SEMA5A: variants seen among roughly 807,000 people sequenced by gnomAD.
SEMA5A encodes the protein semaphorin-5A.
Under a neutral mutation model 135.5 loss-of-function variants are expected in SEMA5A, and 55 were observed. The observed-to-expected ratio is 0.41, with a 90% CI of 0.33 to 0.51. The LOEUF is 0.51. Ranked by LOEUF, SEMA5A falls within the 20% of genes least tolerant of loss-of-function variation. The pLI, the probability that SEMA5A is intolerant of heterozygous loss-of-function variation, is 0.37. For synonymous variants in SEMA5A, 580 were observed against 546.5 expected (o/e 1.06, Z -0.85); for missense variants, 1,290 against 1,419.9 (o/e 0.91, Z 1.47).
chr5:9,343,548 A>G (rs1177971655), intron 3 of SEMA5A, among the ~76,000 whole-genome samples: 1 of 152,162 alleles, frequency 6.6e-6, no homozygotes, highest in Non-Finnish European at 1.5e-5. Flanking sequence ...GAAAAGATCC[A>G]TCCTACCTCA....
At chr5:9,046,884 A>G (rs1736288232) in intron 21 of SEMA5A, among the ~76,000 whole-genome samples, 1 of 152,224 alleles carries the variant, frequency 6.6e-6, no homozygotes, top group Non-Finnish European at 1.5e-5. Flanking sequence ...TGGATAATGC[A>G]GTTCCCAGCA....
At chr5:9,342,075 C>A (rs1753677192) in intron 3 of SEMA5A, among the ~76,000 whole-genome samples, 1 of 123,296 alleles carries the variant, frequency 8.1e-6, no homozygotes, top group African/African-American at 2.9e-5. Context: ...AGTTAATGTC[C>A]CTTCCAAAAA....
intron 2 of SEMA5A, among the ~76,000 whole-genome samples, chr5:9,436,324 T>C (rs530571191): frequency 6.6e-6 from 1 of 152,160 alleles, no homozygotes; most frequent in Non-Finnish European, 1.5e-5. Flanking sequence ...TGGTTCTCCA[T>C]GGGGGAGGGA....
chr5:9,341,397 T>C (rs1753647152), intron 3 of SEMA5A, among the ~76,000 whole-genome samples: 1 of 151,844 alleles, frequency 6.6e-6, no homozygotes, highest in Non-Finnish European at 1.5e-5. Flanking sequence ...ATGAACAGTT[T>C]TGGAAATAGA....
intron 16 of SEMA5A, among the ~76,000 whole-genome samples, chr5:9,099,446 T>C (rs762626956): frequency 2.0e-5 from 3 of 152,230 alleles, no homozygotes; most frequent in Non-Finnish European, 4.4e-5. Flanking sequence ...AGATCAATTA[T>C]TCCCTTTACG....
intron 12 of SEMA5A, among the ~76,000 whole-genome samples, chr5:9,141,583 T>C (rs551624913): frequency 3.1e-4 from 47 of 152,272 alleles, no homozygotes; most frequent in East Asian, 1.9e-4. Context: ...ACACACTTAT[T>C]GAGGGTATTT....
intron 5 of SEMA5A, among the ~76,000 whole-genome samples, chr5:9,241,469 T>C (rs1398164173): frequency 1.3e-5 from 2 of 150,434 alleles, no homozygotes; most frequent in Non-Finnish European, 2.9e-5. Context: ...TTCATTGTTA[T>C]AGTAGCCATA....
At chr5:9,052,106 T>C (rs550421731) in intron 19 of SEMA5A, 78 bp from the exon 20 acceptor site, 33 of 1,411,746 alleles carry the variant, frequency 2.3e-5, no homozygotes, top group Admixed American at 3.0e-5. Context: ...GCAAGTTACA[T>C]ATGTGATTTC....
At position 9,332,382 on chromosome 5, in the gene SEMA5A, T is replaced by A. The variant is rs559065447; in HGVS notation, c.224+5331A>T. Reference sequence around the variant, plus strand: ...GTCAGATGTGCAATGCATGCAGCTATGGGTTGGTACTCACATTAGGTCAGG... The same window carrying A: ...GTCAGATGTGCAATGCATGCAGCTAAGGGTTGGTACTCACATTAGGTCAGG... On this transcript the variant is annotated intron_variant, in intron 4 of 22. Coordinates refer to ENST00000382496, the MANE Select transcript of SEMA5A (RefSeq NM_003966.3). Among the ~76,000 whole-genome samples the A allele has an allele frequency of 2.5e-3, 376 of 151,000 alleles. 2 individuals are homozygous for A. Among genetic ancestry groups the A allele is most frequent in the African/African-American group, 8.6e-3 (354 of 40,962 alleles).
chr5:9,248,676 G>T (rs1748608640), intron 5 of SEMA5A, among the ~76,000 whole-genome samples: 1 of 152,102 alleles, frequency 6.6e-6, no homozygotes, highest in Non-Finnish European at 1.5e-5. Context: ...CTCATATGAA[G>T]CAGGCAGAGG....
intron 5 of SEMA5A, among the ~76,000 whole-genome samples, chr5:9,292,699 GA>G (rs1184744161): frequency 2.0e-5 from 3 of 152,022 alleles, no homozygotes; most frequent in African/African-American, 7.2e-5. Context: ...TCCATACAAA[GA>G]AAAAAATCAA....
intron 6 of SEMA5A, among the ~76,000 whole-genome samples, chr5:9,229,103 A>G (rs1044729306): frequency 1.3e-5 from 2 of 152,206 alleles, no homozygotes; most frequent in Admixed American, 6.5e-5. Context: ...ATTGGCTTCT[A>G]AATGTAAAGT....
intron 16 of SEMA5A, among the ~76,000 whole-genome samples, chr5:9,083,315 T>A (rs1036859833): frequency 2.0e-5 from 3 of 152,208 alleles, no homozygotes; most frequent in Admixed American, 6.5e-5. Context: ...TTTTTGTTCT[T>A]TTATTGGCCA....
chr5:9,248,535 C>T (rs1371145643), intron 5 of SEMA5A, among the ~76,000 whole-genome samples: 1 of 144,598 alleles, frequency 6.9e-6, no homozygotes, highest in African/African-American at 2.6e-5. Context: ...TCTCTGCAAC[C>T]TGTGAAGTTA....
At chr5:9,294,177 G>A (rs968080726) in intron 5 of SEMA5A, among the ~76,000 whole-genome samples, 1 of 152,140 alleles carries the variant, frequency 6.6e-6, no homozygotes, top group African/African-American at 2.4e-5. Flanking sequence ...GACAGCATTT[G>A]GCCTTCCGGT....
In SEMA5A at chr5:9,300,855, T is replaced by C. The variant is rs369304563; in HGVS notation, c.270+17517A>G. Among the ~76,000 whole-genome samples, 103 of 152,304 alleles carry C rather than the reference T, an allele frequency of 6.8e-4. No homozygotes were observed. In the South Asian group the frequency reaches 0.018, roughly 27 times the overall value. ...GAAATCAAAGAACACCTGGAGCCAC[T>C]AGAACTGGAAAAGGCGATGAAGCTT... On this transcript the variant is annotated intron_variant, in intron 5 of 22. Transcript: ENST00000382496.
chr5:9,058,717 C>T (rs1737024774), intron 18 of SEMA5A, among the ~76,000 whole-genome samples: 1 of 152,168 alleles, frequency 6.6e-6, no homozygotes, highest in Non-Finnish European at 1.5e-5. Context: ...GCTCAACAGG[C>T]TTCCTGTGTG....
At chr5:9,182,149 G>GA (rs1395291106) in intron 11 of SEMA5A, among the ~76,000 whole-genome samples, 21 of 123,138 alleles carry the variant, frequency 1.7e-4, no homozygotes, top group African/African-American at 7.5e-4. Flanking sequence ...TATTGCTTCT[G>GA]CCCCCCACCC....
chr5:9,484,147 A>C (rs542090664), intron 1 of SEMA5A, among the ~76,000 whole-genome samples: 1 of 152,250 alleles, frequency 6.6e-6, no homozygotes, highest in Non-Finnish European at 1.5e-5. Flanking sequence ...CAGATTTTCA[A>C]CTTGAAACCA....
Sources: allele counts gnomAD v4.1 joint callset (sites outside exome capture counted in the v4.1 genomes callset), GRCh38; gene constraint gnomAD v4.1.1; transcripts MANE v1.5; gene names NCBI Gene and HGNC (gene_info 2026-07-23, HGNC 2026-07-21).